The following SLC26A6 variants were observed in gnomAD, a reference collection of about 807,000 sequenced individuals.
The protein encoded by SLC26A6 is anion exchange transporter.
SLC26A6 carries 67 observed loss-of-function variants against 87.1 expected under a neutral mutation model. The observed-to-expected ratio is 0.77, with a 90% CI of 0.63 to 0.94. SLC26A6 has a LOEUF of 0.94. SLC26A6 is among the 40% of genes least tolerant of loss of function. The pLI, the probability that SLC26A6 is intolerant of heterozygous loss-of-function variation, is 0.00. For missense variants in SLC26A6, 902 were observed against 973.0 expected, an observed-to-expected ratio of 0.93 and a Z score of 0.97; for synonymous variants, 414 against 405.9, an observed-to-expected ratio of 1.02 and a Z score of -0.24.
chr3:48,635,310 G>A, intron 1 of SLC26A6, 61 bp downstream of exon 1: 3 of 1,562,058 alleles, frequency 1.9e-6, no homozygotes, highest in African/African-American at 1.4e-5. Flanking sequence ...GTCGCAAGCG[G>A]AGAATGCCTG....
chr3:48,628,831 C>G lies in SLC26A6; in HGVS notation c.1600-117G>C. On this transcript the variant is annotated intron_variant, in intron 14 of 20. Transcript: ENST00000395550. The surrounding 1 kb of genome is among the most constrained non-coding windows in gnomAD (Gnocchi z 4.4). ...CCTGCCACCGCCCAGCCCTCTGCTC[C>G]CCAGGCTGCAGTCCAGGCCCTCCCA... 1.6e-6 allele frequency: 2 copies of G among 1,230,400 alleles called. No individual in the cohort carries two copies. Among genetic ancestry groups the G allele is most frequent in the Non-Finnish European group, 2.3e-6 (2 of 866,350 alleles). 76.2% of individuals were successfully genotyped at this position (1,230,400 alleles called of 1,614,324 possible). A position where few individuals can be genotyped will look rare whatever the true frequency, so the allele number is the denominator to read the frequency against.
At chr3:48,629,417 A>G (rs947122645) in intron 14 of SLC26A6, among the ~76,000 whole-genome samples, 1 of 152,106 alleles carries the variant, frequency 6.6e-6, no homozygotes, top group African/African-American at 2.4e-5. Flanking sequence ...TGACTCCACG[A>G]CAGACCCCTC....
chr3:48,627,815 C>G (rs2046667752), intron 17 of SLC26A6, 131 bp downstream of exon 17: 1 of 756,466 alleles, frequency 1.3e-6, no homozygotes, highest in African/African-American at 1.8e-5. Flanking sequence ...CCAGCCTCCC[C>G]ACTCCTCCTG....
intron 1 of SLC26A6, 150 bp from the exon 2 acceptor site, chr3:48,633,785 G>A: frequency 4.1e-6 from 6 of 1,467,018 alleles, no homozygotes; most frequent in Non-Finnish European, 5.4e-6. Context: ...GCATCTGTGG[G>A]CCACATGTCC....
rs2276851 is a variant in SLC26A6, at chr3:48,629,581, A to T, written c.1599+61T>A. ...CTGGCCAAGTGTGGAACGAATCCACAAAGGCTCATTCTTCCTCCGTCTCCC... is the reference window on the plus strand; with the variant it reads ...CTGGCCAAGTGTGGAACGAATCCACTAAGGCTCATTCTTCCTCCGTCTCCC... On this transcript the variant is annotated intron_variant, in intron 14 of 20. Transcript: ENST00000395550. 10,157 of 1,524,576 alleles carry T rather than the reference A, an allele frequency of 6.7e-3. 120 individuals are homozygous for T. Among genetic ancestry groups the T allele is most frequent in the East Asian group, 0.049 (2,159 of 44,248 alleles). The allele number at this position is 1,524,576 out of a possible 1,614,324, so 94.4% of individuals were successfully genotyped here.
At position 48,631,744 on chromosome 3, in the gene SLC26A6, C is replaced by G. The variant is rs1459765538; in HGVS notation, c.808G>C (p.Ala270Pro). ...ACGAGCACCACCCCAGCCACAGCTG[C>G]AGTGACCACGGTGCCAACCTTGCTC... ...PQSKVGTVVT[A>P]AVAGVVLVVV... Residue 270 changes from alanine (A) to proline (P), a missense_variant, in exon 7 of 21, where the codon GCA becomes CCA. Transcript: ENST00000395550. 5 of 1,613,516 alleles carry G rather than the reference C, an allele frequency of 3.1e-6. No individual in the cohort carries two copies. The highest frequency in any genetic ancestry group is 1.7e-5 in the Admixed American group (1 of 60,008).
chr3:48,632,225 T>G lies in SLC26A6; in HGVS notation c.585+20A>C. ...AGCAGAAGTGGTGGTGGGGGGCACA[T>G]ACTCCTGACTGTTCCACACCTGGAA... On this transcript the variant is annotated intron_variant, in intron 5 of 20. Transcript: ENST00000395550. 6.3e-7 allele frequency: 1 copy of G among 1,576,296 alleles called. No homozygotes were observed. Among genetic ancestry groups the G allele is most frequent in the Non-Finnish European group, 8.6e-7 (1 of 1,159,304 alleles).
Position 48,628,020 on chromosome 3 carries a change from C to G in SLC26A6, c.1819G>C (p.Ala607Pro). 1.9e-6 allele frequency: 3 copies of G among 1,583,350 alleles called. No homozygotes were observed. Among genetic ancestry groups the G allele is most frequent in the Non-Finnish European group, 2.6e-6 (3 of 1,169,822 alleles). Residue 607 changes from alanine (A) to proline (P), a missense_variant, in exon 17 of 21, where the codon GCC (alanine) becomes CCC (proline). Physicochemically the swap from Ala to Pro is conservative, Grantham distance 27. Around this residue, in one of 3 missense-constraint regions of SLC26A6, gnomAD observed 800 missense variants for 856.8 expected, o/e 0.93. Transcript: ENST00000395550. This position sits in a 1 kb window ranked among gnomAD's most constrained non-coding sequence, Gnocchi z 4.4. The part of the protein sequence containing the change: ...LRKQAASPKG[A>P]SVSINVNTSL... ...GTGTTGACATTAATGGAAACTGAGG[C>G]GCCCTTGGGGGAGGCAGCCTACACC...
At chr3:48,632,893 G>C (rs2046845476) in intron 4 of SLC26A6, 81 bp downstream of exon 4, 3 of 1,379,162 alleles carry the variant, frequency 2.2e-6, no homozygotes, top group South Asian at 2.4e-5. Flanking sequence ...AGCCGCTCCT[G>C]CCCTGCTCAG....
intron 7 of SLC26A6, 130 bp downstream of exon 7, chr3:48,631,519 C>T: frequency 8.0e-7 from 1 of 1,252,726 alleles, no homozygotes; most frequent in Non-Finnish European, 1.1e-6. Flanking sequence ...TTCTGCTGTG[C>T]CCCCCACAAT....
At position 48,631,583 on chromosome 3, in the gene SLC26A6, C is replaced by T; in HGVS notation, c.903+66G>A. ...GCTGGCCCTCAAATACAGGAGGCTGCCCACGTGGCAAGGACCCAGCCTGAC... is the reference window on the plus strand; with the variant it reads ...GCTGGCCCTCAAATACAGGAGGCTGTCCACGTGGCAAGGACCCAGCCTGAC... On this transcript the variant is annotated intron_variant, in intron 7 of 20. Transcript: ENST00000395550. The T allele has an allele frequency of 1.3e-6, 2 of 1,566,976 alleles. 1 individual carries two copies. Among genetic ancestry groups the T allele is most frequent in the South Asian group, 2.4e-5 (2 of 83,640 alleles).
intron 7 of SLC26A6, 143 bp downstream of exon 7, chr3:48,631,506 G>A: frequency 8.5e-7 from 1 of 1,180,570 alleles, no homozygotes; most frequent in Non-Finnish European, 1.2e-6. Flanking sequence ...CAACATAGGG[G>A]CTTTCTGCTG....
At chr3:48,632,647 G>A in intron 4 of SLC26A6, 1 of 697,476 alleles carries the variant, frequency 1.4e-6, no homozygotes, top group Non-Finnish European at 2.6e-6. Context: ...TGTGTCTACT[G>A]GTCCCGGGAC....
chr3:48,635,075 C>T (rs1391274468), intron 1 of SLC26A6, among the ~76,000 whole-genome samples: 3 of 152,238 alleles, frequency 2.0e-5, no homozygotes, highest in African/African-American at 7.2e-5. Context: ...GCCCCACGCA[C>T]CCCCGCCGGC....
intron 14 of SLC26A6, 116 bp downstream of exon 14, chr3:48,629,526 A>G: frequency 8.4e-7 from 1 of 1,189,052 alleles, no homozygotes; most frequent in Non-Finnish European, 1.2e-6. Flanking sequence ...CCCAAAGACC[A>G]AAGCCAAAGT....
rs201397100 is a variant in SLC26A6 at position 48,633,313 on chromosome 3, C to T, written c.260G>A (p.Arg87His). Residue 87 changes from arginine (R) to histidine (H), a missense_variant, in exon 3 of 21, where the codon CGT becomes CAT. Transcript: ENST00000395550. Reference protein sequence around the residue: ...VLVWLPRYPVRDWLLGDLLSG... With the variant: ...VLVWLPRYPVHDWLLGDLLSG... ...TAACAGGTCACCCAGGAGCCAGTCA[C>T]GCACAGGATACCGGGGTAACCAGAC... 104 of 1,613,496 alleles carry T rather than the reference C, an allele frequency of 6.4e-5. No homozygotes were observed. The highest frequency in any genetic ancestry group is 1.1e-4 in the African/African-American group (8 of 74,934).
intron 9 of SLC26A6, 54 bp from the exon 10 acceptor site, chr3:48,630,774 G>A: frequency 1.3e-6 from 2 of 1,547,842 alleles, no homozygotes; most frequent in Non-Finnish European, 1.8e-6. Flanking sequence ...GCTGGTCACT[G>A]TTCCACTGTA....
rs746580235 is a variant in SLC26A6 at position 48,629,847 on chromosome 3, G to A, written c.1529+25C>T. On this transcript the variant is annotated intron_variant, in intron 13 of 20. Transcript: ENST00000395550. Reference sequence around the variant, plus strand: ...GTGGTACTCTCTCACTAGCTGGAATGAGGGGACCAACATGGCGGACTCACA... The same window carrying A: ...GTGGTACTCTCTCACTAGCTGGAATAAGGGGACCAACATGGCGGACTCACA... 2.6e-5 allele frequency: 42 copies of A among 1,613,730 alleles called. 1 individual carries two copies. In the South Asian group the frequency reaches 4.5e-4, roughly 17 times the overall value.
rs1218677280 is a variant in SLC26A6, at chr3:48,628,818, C to A, written c.1600-104G>T. ...AGTGTGCCCAGTGCCTGCCACCGCC[C>A]AGCCCTCTGCTCCCCAGGCTGCAGT... is the stretch of plus-strand genomic sequence containing the variant. On this transcript the variant is annotated intron_variant, in intron 14 of 20. Coordinates refer to ENST00000395550, the MANE Select transcript of SLC26A6 (RefSeq NM_022911.3). This position sits in a 1 kb window ranked among gnomAD's most constrained non-coding sequence, Gnocchi z 4.4. The A allele has an allele frequency of 1.5e-6, 2 of 1,319,216 alleles. No individual in the cohort carries two copies. The highest frequency in any genetic ancestry group is 4.0e-5 in the Admixed American group (2 of 50,430). The allele number at this position is 1,319,216 out of a possible 1,614,324, so 81.7% of individuals were successfully genotyped here.
Sources: allele counts gnomAD v4.1 joint callset (sites outside exome capture counted in the v4.1 genomes callset), GRCh38; gene constraint gnomAD v4.1.1; regional missense constraint gnomAD v4.1.1; non-coding constraint Gnocchi (gnomAD v3.1); transcripts MANE v1.5; gene names NCBI Gene and HGNC (gene_info 2026-07-23, HGNC 2026-07-21).